NCKAP5: variants seen among roughly 807,000 people sequenced by gnomAD.
NCKAP5 encodes nck-associated protein 5.
Under a neutral mutation model 167.0 loss-of-function variants are expected in NCKAP5, and 92 were observed. The observed-to-expected ratio is 0.55, with a 90% CI of 0.47 to 0.66. The LOEUF is 0.66. NCKAP5 is among the 30% of genes least tolerant of loss of function. NCKAP5 has a pLI of 0.00. For synonymous variants in NCKAP5, 891 were observed against 877.4 expected (o/e 1.02, Z -0.27); for missense variants, 2,378 against 2,315.0 (o/e 1.03, Z -0.56).
At position 133,298,540 on chromosome 2, in the gene NCKAP5, A is replaced by G. The variant is rs541515180; in HGVS notation, c.143+4497T>C. On this transcript the variant is annotated intron_variant, in intron 4 of 19. Coordinates refer to ENST00000409261, the MANE Select transcript of NCKAP5 (RefSeq NM_207363.3). ...CTAGGTTTTTATTAGCTACCTCAAG[A>G]AAGTAAGAAAAATAGCCCTTTCCAT... Among the ~76,000 whole-genome samples the G allele has an allele frequency of 7.9e-5, 12 of 152,338 alleles. No homozygotes were observed. In the South Asian group the frequency reaches 2.5e-3, roughly 32 times the overall value.
At chr2:133,636,423 T>C in the NCKAP5 span, among the ~76,000 whole-genome samples, 1 of 152,010 alleles carries the variant, frequency 6.6e-6, no homozygotes, top group East Asian at 1.9e-4. Flanking sequence ...TACCAAGAAA[T>C]TAGAGCTTTC....
At chr2:133,225,948 A>AT (rs1283430577) in intron 4 of NCKAP5, among the ~76,000 whole-genome samples, 82 of 150,946 alleles carry the variant, frequency 5.4e-4, no homozygotes, top group African/African-American at 1.9e-3. Context: ...ACATCCAGCT[A>AT]TTTTTCTGTA....
chr2:132,780,020 T>C (rs929517250), intron 15 of NCKAP5, among the ~76,000 whole-genome samples: 1 of 152,208 alleles, frequency 6.6e-6, no homozygotes, highest in African/African-American at 2.4e-5. Context: ...CAACAATGAA[T>C]ACTATTAAAT....
chr2:132,852,496 G>T (rs1190809480), intron 11 of NCKAP5, among the ~76,000 whole-genome samples: 1 of 152,144 alleles, frequency 6.6e-6, no homozygotes, highest in Non-Finnish European at 1.5e-5. Flanking sequence ...GTTGTTGAAG[G>T]TCACAGTGAC....
chr2:132,989,943 G>A (rs890905608), intron 7 of NCKAP5, among the ~76,000 whole-genome samples: 2 of 152,150 alleles, frequency 1.3e-5, no homozygotes, highest in Non-Finnish European at 2.9e-5. Flanking sequence ...GATCCACGTT[G>A]TGTAAGTGCT....
chr2:133,439,849 A>C (rs941450153), intron 3 of NCKAP5, among the ~76,000 whole-genome samples: 3 of 152,228 alleles, frequency 2.0e-5, no homozygotes, highest in African/African-American at 7.2e-5. Flanking sequence ...TTATGGACTA[A>C]TAATTGTGAT....
intron 8 of NCKAP5, among the ~76,000 whole-genome samples, chr2:132,924,817 G>C (rs1695723109): frequency 6.6e-6 from 1 of 151,994 alleles, no homozygotes; most frequent in South Asian, 2.1e-4. Flanking sequence ...GACCTAGGGA[G>C]GTCTAACTGG....
At chr2:133,083,142 T>C (rs2080869169) in intron 6 of NCKAP5, among the ~76,000 whole-genome samples, 1 of 152,142 alleles carries the variant, frequency 6.6e-6, no homozygotes, top group East Asian at 1.9e-4. Context: ...AATATCTAAA[T>C]AATTATTTGA....
upstream of NCKAP5, among the ~76,000 whole-genome samples, chr2:133,569,581 G>C (rs979586769): frequency 3.9e-5 from 6 of 152,136 alleles, no homozygotes; most frequent in African/African-American, 4.8e-5. Context: ...TGTGGGAGGT[G>C]GGGGGTGAGC....
chr2:133,178,394 A>C (rs2084564290), intron 5 of NCKAP5, among the ~76,000 whole-genome samples: 1 of 151,398 alleles, frequency 6.6e-6, no homozygotes, highest in Non-Finnish European at 1.5e-5. Flanking sequence ...AGTCTCAGCT[A>C]CTCAGGAGGC....
chr2:133,366,403 A>G (rs1014392663), intron 3 of NCKAP5, among the ~76,000 whole-genome samples: 1 of 152,122 alleles, frequency 6.6e-6, no homozygotes, highest in Non-Finnish European at 1.5e-5. Flanking sequence ...CCTGGGTTCA[A>G]GGGCTTCTTC....
chr2:132,934,574 A>G (rs1473613566), intron 8 of NCKAP5, among the ~76,000 whole-genome samples: 1 of 152,176 alleles, frequency 6.6e-6, no homozygotes. Flanking sequence ...TCTGTCTCGA[A>G]CAAAGAAAAT....
chr2:132,806,110 TC>T (rs1685413600), intron 11 of NCKAP5, among the ~76,000 whole-genome samples: 1 of 152,190 alleles, frequency 6.6e-6, no homozygotes, highest in Non-Finnish European at 1.5e-5. Flanking sequence ...GTTAATTCGT[TC>T]CTTTTTATGG....
chr2:133,599,077 C>G, the NCKAP5 span, among the ~76,000 whole-genome samples: 2 of 152,220 alleles, frequency 1.3e-5, no homozygotes, highest in African/African-American at 4.8e-5. Context: ...TTATAAGAAC[C>G]AGTCAGTGGA....
At chr2:133,427,193 A>G (rs967395902) in intron 3 of NCKAP5, among the ~76,000 whole-genome samples, 2 of 152,250 alleles carry the variant, frequency 1.3e-5, no homozygotes, top group Non-Finnish European at 2.9e-5. Flanking sequence ...CTGATTAAGG[A>G]GCAAACATAA....
chr2:132,848,992 TGAAATA>T (rs1558854514), intron 11 of NCKAP5, among the ~76,000 whole-genome samples: 1 of 152,058 alleles, frequency 6.6e-6, no homozygotes, highest in African/African-American at 2.4e-5. Flanking sequence ...AGAAACAATA[TGAAATA>T]GAAAGTGTCC....
At chr2:132,892,825 G>T (rs1692820779) in intron 8 of NCKAP5, among the ~76,000 whole-genome samples, 1 of 151,820 alleles carries the variant, frequency 6.6e-6, no homozygotes, top group Admixed American at 6.6e-5. Context: ...CCTTACTAAG[G>T]ACTTAATACA....
chr2:133,439,538 A>G (rs1269757172), intron 3 of NCKAP5, among the ~76,000 whole-genome samples: 3 of 152,242 alleles, frequency 2.0e-5, no homozygotes, highest in African/African-American at 7.2e-5. Context: ...TGACCAATTC[A>G]AGGACTGAGT....
intron 6 of NCKAP5, among the ~76,000 whole-genome samples, chr2:133,070,380 T>C (rs2080348779): frequency 6.6e-6 from 1 of 152,148 alleles, no homozygotes; most frequent in South Asian, 2.1e-4. Flanking sequence ...AATTTTCACA[T>C]AGCTTTGGTT....
Sources: allele counts gnomAD v4.1 joint callset (sites outside exome capture counted in the v4.1 genomes callset), GRCh38; gene constraint gnomAD v4.1.1; transcripts MANE v1.5; gene names NCBI Gene and HGNC (gene_info 2026-07-23, HGNC 2026-07-21).